The following TMEM72 variants were observed in gnomAD, a reference collection of about 807,000 sequenced individuals.
The protein encoded by TMEM72 is kidney-specific secretory protein of 37 kDa.
Under a neutral mutation model 16.3 loss-of-function variants are expected in TMEM72, and 9 were observed. The ratio of observed to expected loss-of-function variants is 0.55; its 90% CI spans 0.33 to 0.96. TMEM72 has a LOEUF of 0.96. TMEM72 is among the 40% of genes least tolerant of loss of function. The pLI is 0.03. For missense variants in TMEM72, 324 were observed against 337.8 expected, an observed-to-expected ratio of 0.96 and a Z score of 0.32; for synonymous variants, 160 against 146.5, an observed-to-expected ratio of 1.09 and a Z score of -0.66.
At chr10:44,924,682 G>T (rs1840157144) in intron 1 of TMEM72, among the ~76,000 whole-genome samples, 2 of 152,258 alleles carry the variant, frequency 1.3e-5, no homozygotes, top group Admixed American at 1.3e-4. Flanking sequence ...CCAAAAGTGG[G>T]AGGACTGAGC....
intron 1 of TMEM72, 146 bp downstream of exon 1, chr10:44,911,728 G>A (rs545412139): frequency 8.1e-6 from 7 of 863,238 alleles, no homozygotes; most frequent in Non-Finnish European, 1.3e-5. Flanking sequence ...TAGAAACACT[G>A]CTCTGTAGAG....
At chr10:44,932,515 G>A (rs569824960) in intron 3 of TMEM72, among the ~76,000 whole-genome samples, 162 of 152,324 alleles carry the variant, frequency 1.1e-3, no homozygotes, top group African/African-American at 3.8e-3. Flanking sequence ...ACACCCCTTC[G>A]TGGGGCAGGA....
chr10:44,916,190 T>C (rs756841836), intron 1 of TMEM72, among the ~76,000 whole-genome samples: 1 of 152,146 alleles, frequency 6.6e-6, no homozygotes, highest in Non-Finnish European at 1.5e-5. Flanking sequence ...CAGCAGGGCA[T>C]GAGGGGATGG....
intron 4 of TMEM72, among the ~76,000 whole-genome samples, 155 bp downstream of exon 4, chr10:44,933,931 C>T (rs1292224697): frequency 2.0e-5 from 3 of 152,200 alleles, no homozygotes; most frequent in Admixed American, 6.5e-5. Context: ...GAGGAATCAT[C>T]GGAATGCCAG....
rs1029025575 is a variant in TMEM72 at position 44,935,169 on chromosome 10, G to T, written c.*35G>T. The stretch of plus-strand genomic sequence containing the variant: ...CCAGCCTGGAGGACGCTCAGTGAGG[G>T]GTCTACCTAGCTCAATGGCCCTCCC... On this transcript the variant is annotated 3_prime_UTR_variant, in exon 5 of 5. Coordinates refer to ENST00000389583, the MANE Select transcript of TMEM72 (RefSeq NM_001123376.3). 1.3e-6 allele frequency: 2 copies of T among 1,528,722 alleles called. No homozygotes were observed. Among genetic ancestry groups the T allele is most frequent in the African/African-American group, 2.8e-5 (2 of 72,202 alleles). The allele number at this position is 1,528,722 out of a possible 1,614,324, so 94.7% of individuals were successfully genotyped here.
At chr10:44,933,152 G>A (rs1840331398) in intron 3 of TMEM72, among the ~76,000 whole-genome samples, 1 of 152,242 alleles carries the variant, frequency 6.6e-6, no homozygotes, top group Non-Finnish European at 1.5e-5. Context: ...TAGAAAAGAA[G>A]CCCTTCTGGG....
intron 2 of TMEM72, among the ~76,000 whole-genome samples, chr10:44,931,597 G>C (rs1840298395): frequency 6.6e-6 from 1 of 152,286 alleles, no homozygotes; most frequent in Middle Eastern, 3.4e-3. Flanking sequence ...AACAGCTCCT[G>C]GTGACTATTT....
intron 3 of TMEM72, among the ~76,000 whole-genome samples, chr10:44,933,063 C>T (rs1043409267): frequency 3.3e-5 from 5 of 152,252 alleles, no homozygotes; most frequent in Non-Finnish European, 7.3e-5. Context: ...CCCTGTGAAA[C>T]ATGGAGGCAG....
chr10:44,928,084 A>C, intron 2 of TMEM72, 97 bp downstream of exon 2: 6 of 1,356,298 alleles, frequency 4.4e-6, no homozygotes, highest in Non-Finnish European at 6.2e-6. Context: ...TCCCCTTCCC[A>C]TGTGAATTCC....
chr10:44,934,973 C>A lies in TMEM72; in HGVS notation c.667C>A (p.His223Asn). Residue 223 changes from histidine to asparagine, a missense_variant, in exon 5 of 5, where the codon CAC becomes AAC. Physicochemically the swap from His to Asn is moderately conservative, Grantham distance 68. Coordinates refer to ENST00000389583, the MANE Select transcript of TMEM72 (RefSeq NM_001123376.3). ...ADSLAKKKQV[H>N]FEDNLVRIVP... ...CTCCCTGGCCAAGAAGAAGCAGGTG[C>A]ACTTTGAAGACAACTTGGTCCGCAT... 1.2e-6 allele frequency: 2 copies of A among 1,614,088 alleles called. No homozygotes were observed. Among genetic ancestry groups the A allele is most frequent in the Non-Finnish European group, 8.5e-7 (1 of 1,180,022 alleles).
chr10:44,913,628 C>A (rs1839970904), intron 1 of TMEM72, among the ~76,000 whole-genome samples: 1 of 152,210 alleles, frequency 6.6e-6, no homozygotes, highest in African/African-American at 2.4e-5. Flanking sequence ...AATGGCCAGG[C>A]TTTCAAATGA....
intron 1 of TMEM72, among the ~76,000 whole-genome samples, chr10:44,919,172 A>G (rs1330727535): frequency 6.6e-6 from 1 of 152,234 alleles, no homozygotes; most frequent in Non-Finnish European, 1.5e-5. Context: ...CTCAACCTTA[A>G]GAGGTCATTA....
Position 44,926,025 on chromosome 10 carries a change from TCA to T in TMEM72, c.71-1884_71-1883del, listed in dbSNP as rs59066381. ...CACATGCACATTCACACACATACAC[TCA>T]CACACACACACTCACACACATCCAC... is the stretch of plus-strand genomic sequence containing the variant. On this transcript the variant is annotated intron_variant, in intron 1 of 4. Coordinates refer to ENST00000389583, the MANE Select transcript of TMEM72 (RefSeq NM_001123376.3). Among the ~76,000 whole-genome samples the T allele has an allele frequency of 6.0e-3, 884 of 146,382 alleles. 7 individuals carry two copies. The highest frequency in any genetic ancestry group is 0.018 in the African/African-American group (720 of 39,786).
intron 1 of TMEM72, chr10:44,920,152 G>C (rs1840073502): frequency 6.6e-6 from 1 of 152,196 alleles, no homozygotes; most frequent in African/African-American, 2.4e-5. Context: ...GGGTTCGGAG[G>C]CTGCCCTCAG....
chr10:44,923,055 G>A, intron 1 of TMEM72: 1 of 152,262 alleles, frequency 6.6e-6, no homozygotes, highest in East Asian at 1.9e-4. Context: ...CGGAAATTCT[G>A]GCAGAACTCA....
Position 44,935,320 on chromosome 10 carries a change from C to CACAA in TMEM72, c.*191_*194dup, listed in dbSNP as rs1356424406. On this transcript the variant is annotated 3_prime_UTR_variant, in exon 5 of 5. Coordinates refer to ENST00000389583, the MANE Select transcript of TMEM72 (RefSeq NM_001123376.3). ...ATTTCTGGAGAGGCCTCGAGGGAGGCACAAACAAGGCTCACGCCACCTCAA... is the reference window on the plus strand; with the variant it reads ...ATTTCTGGAGAGGCCTCGAGGGAGGCACAAACAAACAAGGCTCACGCCACCTCAA... 3.5e-6 allele frequency: 2 copies of CACAA among 563,890 alleles called. No homozygotes were observed. The highest frequency in any genetic ancestry group is 6.0e-6 in the Non-Finnish European group (2 of 333,464). The allele number at this position is 563,890 out of a possible 1,614,324, so 34.9% of individuals were successfully genotyped here. A position where few individuals can be genotyped will look rare whatever the true frequency, so the allele number is the denominator to read the frequency against.
intron 2 of TMEM72, among the ~76,000 whole-genome samples, chr10:44,929,442 A>G (rs1840258083): frequency 6.6e-6 from 1 of 152,172 alleles, no homozygotes; most frequent in South Asian, 2.1e-4. Context: ...TACAGGGTCC[A>G]CCAGGCTGTG....
Position 44,934,709 on chromosome 10 carries a change from A to G in TMEM72, c.403A>G (p.Lys135Glu), listed in dbSNP as rs769005475. Reference sequence around the variant, plus strand: ...CTACTTCCTTCTGAGCAAGCGGAAGAAGAGGAAAGCTGCCCCCGAGGTGCT... The same window carrying G: ...CTACTTCCTTCTGAGCAAGCGGAAGGAGAGGAAAGCTGCCCCCGAGGTGCT... The part of the protein sequence containing the change: ...LAYFLLSKRK[K>E]RKAAPEVLAS... Residue 135 changes from lysine (K) to glutamate (E), a missense_variant, in exon 5 of 5, where the codon AAG (lysine) becomes GAG (glutamate). Coordinates refer to ENST00000389583, the MANE Select transcript of TMEM72 (RefSeq NM_001123376.3). 6.2e-7 allele frequency: 1 copy of G among 1,608,778 alleles called. No homozygotes were observed. Among genetic ancestry groups the G allele is most frequent in the Non-Finnish European group, 8.5e-7 (1 of 1,178,292 alleles).
intron 1 of TMEM72, among the ~76,000 whole-genome samples, chr10:44,917,934 A>G (rs749591810): frequency 6.6e-5 from 10 of 152,170 alleles, no homozygotes; most frequent in Non-Finnish European, 1.2e-4. Context: ...CACTGCTGAT[A>G]AAGACATGCC....
Sources: allele counts gnomAD v4.1 joint callset (sites outside exome capture counted in the v4.1 genomes callset), GRCh38; gene constraint gnomAD v4.1.1; transcripts MANE v1.5; gene names NCBI Gene and HGNC (gene_info 2026-07-23, HGNC 2026-07-21).